The following CNTNAP4 variants were observed in gnomAD, a reference collection of about 807,000 sequenced individuals.
CNTNAP4 encodes the protein contactin associated protein family member 4, also known as contactin-associated protein-like 4.
In CNTNAP4, 98 loss-of-function variants were observed where a neutral mutation model predicts 148.4. The ratio of observed to expected loss-of-function variants is 0.66; its 90% CI spans 0.56 to 0.78. CNTNAP4 has a LOEUF of 0.78. Ranked by LOEUF, CNTNAP4 falls within the 30% of genes least tolerant of loss-of-function variation. CNTNAP4 has a pLI of 0.00. For synonymous variants in CNTNAP4, 730 were observed against 565.1 expected, an observed-to-expected ratio of 1.29 and a Z score of -4.14; for missense variants, 1,935 against 1,565.6, an observed-to-expected ratio of 1.24 and a Z score of -3.98.
At chr16:76,360,981 TA>T (rs999985364) in intron 3 of CNTNAP4, among the ~76,000 whole-genome samples, 2 of 151,674 alleles carry the variant, frequency 1.3e-5, no homozygotes, top group African/African-American at 4.8e-5. Flanking sequence ...CACACCCGGC[TA>T]ATTTTTTTTT....
chr16:76,330,965 T>A (rs1041724172), intron 2 of CNTNAP4, among the ~76,000 whole-genome samples: 1 of 152,226 alleles, frequency 6.6e-6, no homozygotes, highest in African/African-American at 2.4e-5. Context: ...TGGACTTTAT[T>A]TGATGAGTGA....
At chr16:76,490,397 T>C (rs4605191) in intron 13 of CNTNAP4, among the ~76,000 whole-genome samples, 135,928 of 152,162 alleles carry the variant, frequency 0.89, 60,950 homozygotes, top group East Asian at 0.99. Flanking sequence ...AAAACCATCT[T>C]GACTCTTTAT....
At chr16:76,528,470 G>T (rs938426354) in intron 17 of CNTNAP4, among the ~76,000 whole-genome samples, 2 of 152,090 alleles carry the variant, frequency 1.3e-5, no homozygotes, top group Non-Finnish European at 2.9e-5. Context: ...CTCCCTATGT[G>T]CCCAGGCTGG....
chr16:76,400,818 T>C (rs1353599884), intron 3 of CNTNAP4, among the ~76,000 whole-genome samples: 1 of 152,198 alleles, frequency 6.6e-6, no homozygotes, highest in African/African-American at 2.4e-5. Flanking sequence ...TTGCTTGTTT[T>C]TGTAAGCTTT....
chr16:76,546,802 A>G (rs7204023), intron 21 of CNTNAP4, among the ~76,000 whole-genome samples: 7,087 of 152,224 alleles, frequency 0.047, 202 homozygotes, highest in South Asian at 0.11. Flanking sequence ...AGAGCAGAGA[A>G]ATTTGAATGC....
At chr16:76,416,092 T>C (rs2078971715) in intron 3 of CNTNAP4, among the ~76,000 whole-genome samples, 1 of 151,348 alleles carries the variant, frequency 6.6e-6, no homozygotes, top group African/African-American at 2.4e-5. Flanking sequence ...ATCCATGGGC[T>C]CAATATTGGT....
At position 76,558,798 on chromosome 16, in the gene CNTNAP4, G is replaced by T; in HGVS notation, c.*115G>T. On this transcript the variant is annotated 3_prime_UTR_variant, in exon 24 of 24. Coordinates refer to ENST00000611870, the MANE Select transcript of CNTNAP4 (RefSeq NM_033401.5). ...GTACAGGCAGTGGGCTTGCAGCACTGCCATCTTGCCATGTACAGGCTTGGG... is the reference window on the plus strand; with the variant it reads ...GTACAGGCAGTGGGCTTGCAGCACTTCCATCTTGCCATGTACAGGCTTGGG... 2 of 723,480 alleles carry T rather than the reference G, an allele frequency of 2.8e-6. No individual in the cohort carries two copies. The allele number at this position is 723,480 out of a possible 1,614,324, so 44.8% of individuals were successfully genotyped here.
At chr16:76,360,897 A>G (rs928387191) in intron 3 of CNTNAP4, among the ~76,000 whole-genome samples, 6 of 149,964 alleles carry the variant, frequency 4.0e-5, no homozygotes, top group Admixed American at 6.7e-5. Flanking sequence ...GCTCACTGCA[A>G]GCTCCACCTC....
intron 9 of CNTNAP4, among the ~76,000 whole-genome samples, chr16:76,466,984 T>C (rs2081196449): frequency 6.6e-6 from 1 of 152,156 alleles, no homozygotes; most frequent in Non-Finnish European, 1.5e-5. Flanking sequence ...TCATCTTTTA[T>C]GTTCTTAATT....
At chr16:76,548,501 A>C (rs572459629) in intron 21 of CNTNAP4, among the ~76,000 whole-genome samples, 1 of 152,090 alleles carries the variant, frequency 6.6e-6, no homozygotes, top group South Asian at 2.1e-4. Flanking sequence ...CTTTCAAAAA[A>C]ACAGTCGTTT....
intron 17 of CNTNAP4, among the ~76,000 whole-genome samples, chr16:76,529,272 T>C (rs2083871464): frequency 6.6e-6 from 1 of 151,964 alleles, no homozygotes; most frequent in Admixed American, 6.6e-5. Flanking sequence ...GATTTATGCC[T>C]ATCTTAAAGA....
At chr16:76,286,848 C>T (rs1264135274) in intron 1 of CNTNAP4, among the ~76,000 whole-genome samples, 2 of 152,204 alleles carry the variant, frequency 1.3e-5, no homozygotes, top group East Asian at 3.9e-4. Context: ...TTTACATTTG[C>T]CATGTTTTAG....
chr16:76,289,131 G>C (rs1368912031), intron 1 of CNTNAP4, among the ~76,000 whole-genome samples: 1 of 151,936 alleles, frequency 6.6e-6, no homozygotes, highest in Non-Finnish European at 1.5e-5. Context: ...ATTTTGGATT[G>C]AGGACTCTCA....
chr16:76,299,651 A>G (rs1261868314), intron 1 of CNTNAP4, among the ~76,000 whole-genome samples: 1 of 152,102 alleles, frequency 6.6e-6, no homozygotes, highest in Non-Finnish European at 1.5e-5. Flanking sequence ...CTGGATATAT[A>G]CCCAAAGGAT....
chr16:76,417,781 G>A (rs2070513151), intron 3 of CNTNAP4, among the ~76,000 whole-genome samples: 1 of 151,574 alleles, frequency 6.6e-6, no homozygotes, highest in African/African-American at 2.4e-5. Flanking sequence ...TTATAGGGAA[G>A]GAATGCTCTC....
chr16:76,365,604 T>G (rs949003741), intron 3 of CNTNAP4, among the ~76,000 whole-genome samples: 12 of 151,758 alleles, frequency 7.9e-5, no homozygotes, highest in Non-Finnish European at 1.8e-4. Context: ...TACAAAAAAT[T>G]ACCCGGGTAT....
chr16:76,300,610 C>A (rs1222200128), intron 1 of CNTNAP4, among the ~76,000 whole-genome samples: 1 of 152,058 alleles, frequency 6.6e-6, no homozygotes. Context: ...ATGTCATCAG[C>A]AAGAAATTAA....
In CNTNAP4 at chr16:76,408,367, T is replaced by G. The variant is rs529052370; in HGVS notation, c.391-19085T>G. 4.9e-5 allele frequency among the ~76,000 whole-genome samples: 7 copies of G among 141,526 alleles called. No individual in the cohort carries two copies. In the South Asian group the frequency reaches 1.5e-3, roughly 30 times the overall value. The allele number at this position is 141,526 out of a possible 152,430, so 92.8% of individuals were successfully genotyped here. A position where few individuals can be genotyped will look rare whatever the true frequency, so the allele number is the denominator to read the frequency against. Reference sequence around the variant, plus strand: ...AAGCTATTGCTTAACAATTAACAGTTGTTAATCTATTAACAATTAACAGTT... The same window carrying G: ...AAGCTATTGCTTAACAATTAACAGTGGTTAATCTATTAACAATTAACAGTT... On this transcript the variant is annotated intron_variant, in intron 3 of 23. Coordinates refer to ENST00000611870, the MANE Select transcript of CNTNAP4 (RefSeq NM_033401.5).
At position 76,508,752 on chromosome 16, in the gene CNTNAP4, A is replaced by AATT. The variant is rs2082913006; in HGVS notation, c.2365+10058_2365+10059insATT. Among the ~76,000 whole-genome samples, 2 of 62,520 alleles carry AATT rather than the reference A, an allele frequency of 3.2e-5. 1 individual carries two copies. The highest frequency in any genetic ancestry group is 4.8e-4 in the Admixed American group (2 of 4,176). 41.0% of individuals were successfully genotyped at this position (62,520 alleles called of 152,430 possible). On this transcript the variant is annotated intron_variant, in intron 15 of 23. Coordinates refer to ENST00000611870, the MANE Select transcript of CNTNAP4 (RefSeq NM_033401.5). ...ATGACTGACTTGATACAAAATCATAACTTTTTTTTTTTTTTTTTGAGATGG... is the reference window on the plus strand; with the variant it reads ...ATGACTGACTTGATACAAAATCATAAATTCTTTTTTTTTTTTTTTTTGAGATGG...
Sources: allele counts gnomAD v4.1 joint callset (sites outside exome capture counted in the v4.1 genomes callset), GRCh38; gene constraint gnomAD v4.1.1; transcripts MANE v1.5; gene names NCBI Gene and HGNC (gene_info 2026-07-23, HGNC 2026-07-21).